MYH11: variants seen among roughly 807,000 people sequenced by gnomAD.
MYH11 encodes the protein myosin-11.
Under a neutral mutation model 246.6 loss-of-function variants are expected in MYH11, and 80 were observed. That is an observed-to-expected ratio of 0.32 (90% CI 0.27 to 0.39). The LOEUF is 0.39. Among genes scored for constraint, MYH11 ranks in the 10% least tolerant of loss-of-function variants. MYH11 has a pLI of 1.00. For missense variants in MYH11, 2,158 were observed against 2,546.8 expected (o/e 0.85, Z 3.29); for synonymous variants, 1,071 against 1,015.5 (o/e 1.05, Z -1.04).
rs776356937 is a variant in MYH11, at chr16:15,747,926, G to A, written c.2198C>T (p.Ala733Val). Residue 733 changes from alanine (A) to valine (V), a missense_variant, in exon 18 of 41, where the codon GCG becomes GTG. This residue lies in a region of MYH11 where 317 missense variants were observed against 507.7 expected (regional missense o/e 0.62). Coordinates refer to ENST00000300036, the MANE Select transcript of MYH11 (RefSeq NM_002474.3). ...EFRQRYEILA[A>V]NAIPKGFMDG... ...CATGAAGCCTTTGGGGATGGCATTC[G>A]CCGCCAGGATCTCGTAGCTTGAAAC... The A allele has an allele frequency of 2.2e-5, 36 of 1,613,862 alleles. No homozygotes were observed. Among genetic ancestry groups the A allele is most frequent in the South Asian group, 3.3e-5 (3 of 91,088 alleles).
At chr16:15,771,136 A>G (rs952253983) in intron 9 of MYH11, among the ~76,000 whole-genome samples, 2 of 151,892 alleles carry the variant, frequency 1.3e-5, no homozygotes, top group Non-Finnish European at 2.9e-5. Context: ...CTAGGACTAC[A>G]AGTGTGCACC....
At chr16:15,850,839 G>T (rs990438711) in intron 1 of MYH11, among the ~76,000 whole-genome samples, 2 of 152,122 alleles carry the variant, frequency 1.3e-5, no homozygotes, top group Non-Finnish European at 2.9e-5. Flanking sequence ...AGGTTGCAGT[G>T]AGCCAAGATC....
At chr16:15,843,884 T>C (rs554969810) in intron 1 of MYH11, among the ~76,000 whole-genome samples, 30 of 152,178 alleles carry the variant, frequency 2.0e-4, no homozygotes, top group African/African-American at 7.2e-4. Flanking sequence ...GTGATGATGA[T>C]GATGCTGGTC....
Position 15,721,034 on chromosome 16 carries a change from C to G in MYH11, c.4596G>C (p.Lys1532Asn). 1 of 1,614,026 alleles carries G rather than the reference C, an allele frequency of 6.2e-7. No individual in the cohort carries two copies. Among genetic ancestry groups the G allele is most frequent in the Non-Finnish European group, 8.5e-7 (1 of 1,180,016 alleles). The change falls in exon 33 of 41, where the codon AAG becomes AAC. Residue 1532 changes from lysine to asparagine, a missense_variant. Coordinates refer to ENST00000300036, the MANE Select transcript of MYH11 (RefSeq NM_002474.3). The stretch of plus-strand genomic sequence containing the variant: ...TCTGGGTCTCCAGGGCCCGCTTGGA[C>G]TTCTCCAGCTCATGGACCTGCCGGC... ...DVGKNVHELE[K>N]SKRALETQME...
intron 4 of MYH11, among the ~76,000 whole-genome samples, chr16:15,794,243 G>A (rs1278898658): frequency 6.6e-6 from 1 of 152,200 alleles, no homozygotes; most frequent in Non-Finnish European, 1.5e-5. Flanking sequence ...ACAGTGCGCG[G>A]CCAATTTTCA....
At chr16:15,832,510 T>A (rs1446935648) in intron 2 of MYH11, among the ~76,000 whole-genome samples, 1 of 152,232 alleles carries the variant, frequency 6.6e-6, no homozygotes, top group African/African-American at 2.4e-5. Context: ...TCACAGGGAC[T>A]GCTACTCGCA....
In MYH11 at chr16:15,740,141, C is replaced by T. The variant is rs1279752583; in HGVS notation, c.2907G>A (p.Leu969=). Residue 969 remains leucine, a synonymous_variant, in exon 23 of 41, where the codon CTG becomes CTA. Transcript: ENST00000300036. ...LEEEEAARQK[L]QLEKVTAEAK... ...CCTCAGCCGTGACCTTCTCAAGTTG[C>T]AGCTTCTGCCTGGCAGCTTCCTCCT... The T allele has an allele frequency of 2.5e-6, 4 of 1,614,224 alleles. 1 individual carries two copies. In the South Asian group the frequency reaches 4.4e-5, roughly 18 times the overall value.
At chr16:15,706,977 A>G (rs1032064543) in intron 40 of MYH11, among the ~76,000 whole-genome samples, 1 of 152,160 alleles carries the variant, frequency 6.6e-6, no homozygotes, top group Non-Finnish European at 1.5e-5. Context: ...GACACCAACT[A>G]TACCTGTTAC....
intron 14 of MYH11, 31 bp downstream of exon 14, chr16:15,756,310 G>A: frequency 6.2e-7 from 1 of 1,611,670 alleles, no homozygotes; most frequent in Non-Finnish European, 8.5e-7. Flanking sequence ...GGTCCCCTGA[G>A]ACAGAGTCCC....
Position 15,741,895 on chromosome 16 carries a change from C to T in MYH11, c.2521-4G>A. 1 of 1,614,190 alleles carries T rather than the reference C, an allele frequency of 6.2e-7. No individual in the cohort carries two copies. The highest frequency in any genetic ancestry group is 8.5e-7 in the Non-Finnish European group (1 of 1,180,032). On this transcript the variant is annotated splice_region_variant and splice_polypyrimidine_tract_variant and intron_variant, in intron 20 of 40. Coordinates refer to ENST00000300036, the MANE Select transcript of MYH11 (RefSeq NM_002474.3). ...TCACCTGCAGCAGTGGCTTCACCTG[C>T]ACACACACGGTTAGCCCATCATTTG...
intron 4 of MYH11, among the ~76,000 whole-genome samples, chr16:15,797,089 A>T (rs1471048680): frequency 6.6e-6 from 1 of 152,180 alleles, no homozygotes; most frequent in Non-Finnish European, 1.5e-5. Context: ...CCTTAGTCCA[A>T]TGTGATTACT....
intron 1 of MYH11, among the ~76,000 whole-genome samples, chr16:15,848,118 T>C (rs1381417819): frequency 6.6e-6 from 1 of 152,130 alleles, no homozygotes; most frequent in African/African-American, 2.4e-5. Flanking sequence ...TAGCCACAGA[T>C]TTGCCAAATG....
intron 1 of MYH11, among the ~76,000 whole-genome samples, chr16:15,849,628 T>C (rs572142397): frequency 3.3e-5 from 5 of 152,164 alleles, no homozygotes; most frequent in African/African-American, 1.2e-4. Flanking sequence ...TCTTGCATTT[T>C]TTTGTAGAGA....
chr16:15,776,056 CAT>C lies in MYH11; in HGVS notation c.889+20_889+21del, dbSNP rs762551604. On this transcript the variant is annotated intron_variant, in intron 8 of 40. Coordinates refer to ENST00000300036, the MANE Select transcript of MYH11 (RefSeq NM_002474.3). ...AGGGAAGGCTCAAGCCATCCAATCACATGTCATTGCTAGTCACTTACTTCTCA... is the reference window on the plus strand; with the variant it reads ...AGGGAAGGCTCAAGCCATCCAATCACGTCATTGCTAGTCACTTACTTCTCA... 1.3e-6 allele frequency: 2 copies of C among 1,547,660 alleles called. No individual in the cohort carries two copies. Among genetic ancestry groups the C allele is most frequent in the Non-Finnish European group, 1.8e-6 (2 of 1,119,332 alleles).
chr16:15,843,384 G>A (rs961291356), intron 1 of MYH11, among the ~76,000 whole-genome samples: 2 of 148,664 alleles, frequency 1.3e-5, no homozygotes, highest in African/African-American at 5.0e-5. Flanking sequence ...AGGAAGGAAG[G>A]AAAGAAAGAA....
chr16:15,778,630 C>T, intron 7 of MYH11, 150 bp downstream of exon 7: 1 of 836,186 alleles, frequency 1.2e-6, no homozygotes, highest in Non-Finnish European at 2.0e-6. Flanking sequence ...ACCACTGCAC[C>T]ACAATGCCTG....
In MYH11 at chr16:15,719,376, A is replaced by T. The variant is rs1282078003; in HGVS notation, c.5083-68T>A. ...CAAGCCCCACCAAGAGTCCACCCTGACAACTCAGCCACCCTTGAAAGTACA... is the reference window on the plus strand; with the variant it reads ...CAAGCCCCACCAAGAGTCCACCCTGTCAACTCAGCCACCCTTGAAAGTACA... On this transcript the variant is annotated intron_variant, in intron 35 of 40. Transcript: ENST00000300036. 4 of 1,548,360 alleles carry T rather than the reference A, an allele frequency of 2.6e-6. No individual in the cohort carries two copies. In the East Asian group the frequency reaches 9.0e-5, roughly 35 times the overall value.
chr16:15,721,338 G>T lies in MYH11; in HGVS notation c.4578+84C>A. On this transcript the variant is annotated intron_variant, in intron 32 of 40. Coordinates refer to ENST00000300036, the MANE Select transcript of MYH11 (RefSeq NM_002474.3). ...GATAGTTCGCTATGAAAAAGGCCAG[G>T]AGCTAGCCTCGCATGGACTGGTGAA... The T allele has an allele frequency of 4.8e-6, 7 of 1,455,098 alleles. No homozygotes were observed. In the South Asian group the frequency reaches 6.9e-5, roughly 14 times the overall value. The allele number at this position is 1,455,098 out of a possible 1,614,324, so 90.1% of individuals were successfully genotyped here.
chr16:15,813,541 G>A (rs1049378532), intron 3 of MYH11, among the ~76,000 whole-genome samples: 1 of 152,094 alleles, frequency 6.6e-6, no homozygotes, highest in African/African-American at 2.4e-5. Flanking sequence ...AGCTTTATAG[G>A]AAGCATATAA....
Sources: allele counts gnomAD v4.1 joint callset (sites outside exome capture counted in the v4.1 genomes callset), GRCh38; gene constraint gnomAD v4.1.1; regional missense constraint gnomAD v4.1.1; transcripts MANE v1.5; gene names NCBI Gene and HGNC (gene_info 2026-07-23, HGNC 2026-07-21).